AGFG1: variants seen among roughly 807,000 people sequenced by gnomAD.
The protein encoded by AGFG1 is arf-GAP domain and FG repeat-containing protein 1.
In AGFG1, 10 loss-of-function variants were observed where a neutral mutation model predicts 60.6. The ratio of observed to expected loss-of-function variants is 0.16; its 90% CI spans 0.10 to 0.28. The LOEUF (loss-of-function observed/expected upper bound fraction) is 0.28. AGFG1 is among the 10% of genes least tolerant of loss of function. The pLI is 1.00. For missense variants in AGFG1, 537 were observed against 676.5 expected, an observed-to-expected ratio of 0.79 and a Z score of 2.29; for synonymous variants, 247 against 242.9, an observed-to-expected ratio of 1.02 and a Z score of -0.16.
intron 10 of AGFG1, among the ~76,000 whole-genome samples, chr2:227,544,273 G>C (rs1037173515): frequency 3.4e-5 from 5 of 147,982 alleles, no homozygotes; most frequent in African/African-American, 1.3e-4. Flanking sequence ...TCCTGCCTCA[G>C]CCTTCCCAGT....
intron 3 of AGFG1, among the ~76,000 whole-genome samples, chr2:227,523,493 C>T (rs1384485260): frequency 6.6e-6 from 1 of 152,052 alleles, no homozygotes; most frequent in Non-Finnish European, 1.5e-5. Flanking sequence ...TTATATTGTA[C>T]TTAATATCTT....
At chr2:227,476,480 GATAAA>G (rs554807538) in intron 1 of AGFG1, among the ~76,000 whole-genome samples, 193 of 152,208 alleles carry the variant, frequency 1.3e-3, no homozygotes, top group Non-Finnish European at 1.9e-3. Context: ...TGAGGGTTTA[GATAAA>G]ATAAAAAATA....
At chr2:227,481,098 G>A (rs1177962510) in intron 1 of AGFG1, among the ~76,000 whole-genome samples, 1 of 55,162 alleles carries the variant, frequency 1.8e-5, no homozygotes, top group Non-Finnish European at 3.3e-5. Flanking sequence ...AGTGTTTTAG[G>A]CTTTTTTTTT....
intron 1 of AGFG1, among the ~76,000 whole-genome samples, chr2:227,478,632 C>T (rs10170294): frequency 0.049 from 7,424 of 152,258 alleles, 252 homozygotes; most frequent in African/African-American, 0.1. Flanking sequence ...CCATGCCCTG[C>T]CTCAAGCTTA....
Position 227,487,940 on chromosome 2 carries a change from A to G in AGFG1, c.168-3607A>G, listed in dbSNP as rs540948518. Among the ~76,000 whole-genome samples, 11 of 152,370 alleles carry G rather than the reference A, an allele frequency of 7.2e-5. No individual in the cohort carries two copies. In the East Asian group the frequency reaches 1.7e-3, roughly 24 times the overall value. ...AGCCTTGCACTGAGATACAGTTAAT[A>G]TCCCTGAATAAATGGAATATAAAAG... On this transcript the variant is annotated intron_variant, in intron 1 of 12. Coordinates refer to ENST00000310078, the MANE Select transcript of AGFG1 (RefSeq NM_004504.5).
At chr2:227,489,819 C>CTT (rs35139576) in intron 1 of AGFG1, among the ~76,000 whole-genome samples, 34 of 144,752 alleles carry the variant, frequency 2.3e-4, no homozygotes, top group African/African-American at 5.1e-4. Context: ...AGCAAAAATA[C>CTT]TTTTTTTTTT....
intron 1 of AGFG1, among the ~76,000 whole-genome samples, chr2:227,482,897 C>T (rs1424328472): frequency 6.6e-6 from 1 of 151,886 alleles, no homozygotes; most frequent in Non-Finnish European, 1.5e-5. Flanking sequence ...TATTGGGCTG[C>T]ACCAGTAGGC....
At chr2:227,497,835 C>G (rs988691978) in intron 2 of AGFG1, among the ~76,000 whole-genome samples, 13 of 147,334 alleles carry the variant, frequency 8.8e-5, no homozygotes, top group Non-Finnish European at 1.6e-4. Flanking sequence ...ACCTCCACCT[C>G]CCAGATTCAA....
At chr2:227,488,895 C>T (rs1380765698) in intron 1 of AGFG1, among the ~76,000 whole-genome samples, 1 of 152,144 alleles carries the variant, frequency 6.6e-6, no homozygotes, top group Admixed American at 6.5e-5. Flanking sequence ...CTCACTGCAC[C>T]CTCTGCCTCC....
rs536845298 is a variant in AGFG1 at position 227,558,451 on chromosome 2, G to A, written c.*3956G>A. 9 of 151,836 alleles carry A rather than the reference G, an allele frequency of 5.9e-5. No individual in the cohort carries two copies. Among genetic ancestry groups the A allele is most frequent in the African/African-American group, 2.2e-4 (9 of 41,408 alleles). 9.4% of individuals were successfully genotyped at this position (151,836 alleles called of 1,614,324 possible). A position where few individuals can be genotyped will look rare whatever the true frequency, so the allele number is the denominator to read the frequency against. On this transcript the variant is annotated 3_prime_UTR_variant, in exon 13 of 13. Coordinates refer to ENST00000310078, the MANE Select transcript of AGFG1 (RefSeq NM_004504.5). ...ATGGTAACTAGTGGAGCGTGCTTTA[G>A]ATTGAAGACTCATCTGAAGTATCAC...
At chr2:227,498,184 A>G (rs748250894) in intron 2 of AGFG1, among the ~76,000 whole-genome samples, 1 of 152,162 alleles carries the variant, frequency 6.6e-6, no homozygotes, top group Non-Finnish European at 1.5e-5. Context: ...AACTTGCCCA[A>G]GATCGTGCTT....
chr2:227,540,607 TG>T (rs1169022756), intron 10 of AGFG1, among the ~76,000 whole-genome samples: 1 of 152,196 alleles, frequency 6.6e-6, no homozygotes, highest in Non-Finnish European at 1.5e-5. Context: ...GATGGACATT[TG>T]GGTTGGTTCC....
At chr2:227,546,733 C>T (rs1692660438) in intron 10 of AGFG1, among the ~76,000 whole-genome samples, 2 of 152,056 alleles carry the variant, frequency 1.3e-5, no homozygotes, top group Admixed American at 1.3e-4. Context: ...AGTGTTTTTC[C>T]CCCCTCAGAG....
chr2:227,539,442 C>CAAAAAAAAA lies in AGFG1; in HGVS notation c.1378+2457_1378+2458insAAAAAAAAA, dbSNP rs542351308. ...TGGGCGACAGAGCAAGACTCTGTCT[C>CAAAAAAAAA]AAAAAAAACAAAAAACACATGTTAA... is the stretch of plus-strand genomic sequence containing the variant. On this transcript the variant is annotated intron_variant, in intron 10 of 12. Transcript: ENST00000310078. Among the ~76,000 whole-genome samples the CAAAAAAAAA allele has an allele frequency of 2.8e-4, 11 of 39,496 alleles. 1 individual carries two copies. The highest frequency in any genetic ancestry group is 3.7e-4 in the Non-Finnish European group (6 of 16,160). 25.9% of individuals were successfully genotyped at this position (39,496 alleles called of 152,430 possible).
At position 227,558,253 on chromosome 2, in the gene AGFG1, A is replaced by G. The variant is rs975770984; in HGVS notation, c.*3758A>G. On this transcript the variant is annotated 3_prime_UTR_variant, in exon 13 of 13. Transcript: ENST00000310078. ...GGGGAACAGATTTGGATTAAATGCTATCACATTTATATATGAATGCATTCT... is the reference window on the plus strand; with the variant it reads ...GGGGAACAGATTTGGATTAAATGCTGTCACATTTATATATGAATGCATTCT... 6.6e-6 allele frequency: 1 copy of G among 152,214 alleles called. No homozygotes were observed. The highest frequency in any genetic ancestry group is 1.5e-5 in the Non-Finnish European group (1 of 68,024). The allele number at this position is 152,214 out of a possible 1,614,324, so 9.4% of individuals were successfully genotyped here.
intron 2 of AGFG1, among the ~76,000 whole-genome samples, chr2:227,503,188 A>G (rs948131151): frequency 3.3e-5 from 5 of 150,742 alleles, no homozygotes; most frequent in African/African-American, 7.3e-5. Context: ...GTGAGCTGTG[A>G]TTGCACCACT....
chr2:227,526,763 C>T lies in AGFG1; in HGVS notation c.694+1848C>T, dbSNP rs185128157. 1.5e-4 allele frequency among the ~76,000 whole-genome samples: 23 copies of T among 151,946 alleles called. No homozygotes were observed. In the East Asian group the frequency reaches 3.5e-3, roughly 23 times the overall value. On this transcript the variant is annotated intron_variant, in intron 5 of 12. Coordinates refer to ENST00000310078, the MANE Select transcript of AGFG1 (RefSeq NM_004504.5). ...TTCACCATGTTGACCAGGCTGGTCT[C>T]GAACTCCTGACCTCAGGTGTTCCAC...
At chr2:227,486,900 A>G (rs571240911) in intron 1 of AGFG1, among the ~76,000 whole-genome samples, 33 of 152,226 alleles carry the variant, frequency 2.2e-4, no homozygotes, top group Admixed American at 3.9e-4. Flanking sequence ...TTTAGTGAGT[A>G]GAGCCAGGAA....
intron 1 of AGFG1, among the ~76,000 whole-genome samples, chr2:227,486,450 A>G (rs1167316497): frequency 6.6e-6 from 1 of 152,166 alleles, no homozygotes; most frequent in Non-Finnish European, 1.5e-5. Context: ...TACTGTATAC[A>G]TATTAATTTC....
Sources: gnomAD v4.1 joint callset for allele counts (sites outside exome capture counted in the v4.1 genomes callset) on GRCh38, gnomAD v4.1.1 for gene constraint, MANE v1.5 for transcripts, NCBI Gene and HGNC (gene_info 2026-07-23, HGNC 2026-07-21) for gene names.